Variants in TPH2 observed in about 807,000 individuals in gnomAD.
The protein encoded by TPH2 is tryptophan 5-hydroxylase 2.
A neutral mutation model predicts 59.1 loss-of-function variants in TPH2; 27 were observed. The observed-to-expected ratio is 0.46, with a 90% CI of 0.34 to 0.63. TPH2 has a LOEUF of 0.63. TPH2 is among the 30% of genes least tolerant of loss of function. The pLI, the probability that TPH2 is intolerant of heterozygous loss-of-function variation, is 0.01. For missense variants in TPH2, 523 were observed against 588.3 expected (o/e 0.89, Z 1.15); for synonymous variants, 220 against 210.5 (o/e 1.05, Z -0.39).
intron 8 of TPH2, among the ~76,000 whole-genome samples, chr12:71,996,077 C>T (rs1489571923): frequency 6.6e-6 from 1 of 152,198 alleles, no homozygotes; most frequent in Non-Finnish European, 1.5e-5. Flanking sequence ...GGTTCTGGCT[C>T]AGGGACTCTC....
chr12:72,005,973 T>C (rs1681193493), intron 8 of TPH2, among the ~76,000 whole-genome samples: 1 of 152,166 alleles, frequency 6.6e-6, no homozygotes, highest in South Asian at 2.1e-4. Context: ...AAAAGTATTC[T>C]AAAGCTCCCC....
intron 5 of TPH2, among the ~76,000 whole-genome samples, chr12:71,963,434 A>G (rs1188672909): frequency 2.2e-5 from 1 of 46,474 alleles, no homozygotes; most frequent in African/African-American, 6.2e-5. Flanking sequence ...TAGTGTGTGT[A>G]TATACATACA....
intron 5 of TPH2, 135 bp downstream of exon 5, chr12:71,949,790 T>C: frequency 1.4e-6 from 1 of 718,310 alleles, no homozygotes; most frequent in South Asian, 1.5e-5. Context: ...TCACCAACTC[T>C]GTAGGCTTTA....
rs146559172 is a variant in TPH2, at chr12:72,022,367, A to T, written c.1069-32A>T. On this transcript the variant is annotated intron_variant, in intron 8 of 10. Transcript: ENST00000333850. ...AATCCTATCAAATAACTCATTGACC[A>T]GTTCACTGAATATGTGTTCGTTTTT... The T allele has an allele frequency of 9.2e-6, 14 of 1,514,256 alleles. No individual in the cohort carries two copies. In the East Asian group the frequency reaches 3.2e-4, roughly 34 times the overall value. 93.8% of individuals were successfully genotyped at this position (1,514,256 alleles called of 1,614,324 possible). A position where few individuals can be genotyped will look rare whatever the true frequency, so the allele number is the denominator to read the frequency against.
chr12:71,990,257 G>A (rs967262052), intron 7 of TPH2, among the ~76,000 whole-genome samples: 1 of 152,118 alleles, frequency 6.6e-6, no homozygotes, highest in African/African-American at 2.4e-5. Context: ...AGATACTCAG[G>A]GGTTCGGCTG....
intron 5 of TPH2, among the ~76,000 whole-genome samples, chr12:71,968,631 G>T (rs1004062568): frequency 4.6e-5 from 7 of 152,208 alleles, no homozygotes; most frequent in African/African-American, 1.7e-4. Flanking sequence ...TCCACTTCTC[G>T]CAGGTGCGCT....
intron 8 of TPH2, among the ~76,000 whole-genome samples, chr12:72,013,736 T>C (rs1873162406): frequency 6.6e-6 from 1 of 152,238 alleles, no homozygotes; most frequent in African/African-American, 2.4e-5. Context: ...TTTAGCTACC[T>C]TTGTCATCTC....
Position 71,944,429 on chromosome 12 carries a change from A to T in TPH2, c.391A>T (p.Thr131Ser). Residue 131 changes from threonine to serine, a missense_variant, in exon 3 of 11, where the codon ACT becomes TCT. Transcript: ENST00000333850. ...CATTCAGTTGCTGAAATTTCAAACC[A>T]CTATTGTGACGCTGAATCCTCCAGA... ...ELIQLLKFQT[T>S]IVTLNPPENI... 1 of 1,614,010 alleles carries T rather than the reference A, an allele frequency of 6.2e-7. No individual in the cohort carries two copies.
intron 8 of TPH2, among the ~76,000 whole-genome samples, chr12:72,015,630 T>C (rs1036287363): frequency 1.3e-4 from 20 of 152,190 alleles, no homozygotes; most frequent in African/African-American, 4.8e-4. Flanking sequence ...TATGTGTTTT[T>C]ATCTGCACTT....
At chr12:71,985,874 G>A (rs939321712) in intron 7 of TPH2, among the ~76,000 whole-genome samples, 1 of 152,254 alleles carries the variant, frequency 6.6e-6, no homozygotes, top group African/African-American at 2.4e-5. Context: ...CAGTTGGTCT[G>A]CCCCATTTAT....
intron 5 of TPH2, among the ~76,000 whole-genome samples, chr12:71,966,850 A>G (rs1166493964): frequency 6.6e-6 from 1 of 152,234 alleles, no homozygotes; most frequent in Non-Finnish European, 1.5e-5. Flanking sequence ...TCTTCTAAAG[A>G]TAACACAAGC....
rs1297187026 is a variant in TPH2, at chr12:72,031,141, G to C, written c.1165-117G>C. The C allele has an allele frequency of 1.3e-5, 17 of 1,348,126 alleles. No homozygotes were observed. The East Asian group carries it at 3.7e-4, about 29-fold the overall frequency. 83.5% of individuals were successfully genotyped at this position (1,348,126 alleles called of 1,614,324 possible). A position where few individuals can be genotyped will look rare whatever the true frequency, so the allele number is the denominator to read the frequency against. The stretch of plus-strand genomic sequence containing the variant: ...GAGTTCCATATTTCATGACAGACTA[G>C]TAACTGAGCAGCTCTGTAGGATTAC... On this transcript the variant is annotated intron_variant, in intron 9 of 10. Transcript: ENST00000333850.
In TPH2 at chr12:71,938,932, G is replaced by A; in HGVS notation, c.-55G>A. 6.9e-7 allele frequency: 1 copy of A among 1,456,488 alleles called. No homozygotes were observed. Among genetic ancestry groups the A allele is most frequent in the Non-Finnish European group, 9.6e-7 (1 of 1,038,424 alleles). 90.2% of individuals were successfully genotyped at this position (1,456,488 alleles called of 1,614,324 possible). On this transcript the variant is annotated 5_prime_UTR_variant, in exon 1 of 11. Coordinates refer to ENST00000333850, the MANE Select transcript of TPH2 (RefSeq NM_173353.4). ...CTTCCTCTCAATCTCCGCCAGCGCT[G>A]CTACTGCCCCTCTAGTACCCCCTGC...
chr12:71,941,041 A>G (rs1871047284), intron 1 of TPH2, among the ~76,000 whole-genome samples: 4 of 152,312 alleles, frequency 2.6e-5, no homozygotes, highest in Admixed American at 2.6e-4. Flanking sequence ...CACATTGACA[A>G]TGTGGATCTA....
intron 8 of TPH2, among the ~76,000 whole-genome samples, chr12:72,002,365 G>T (rs894747210): frequency 6.6e-6 from 1 of 152,088 alleles, no homozygotes; most frequent in Non-Finnish European, 1.5e-5. Context: ...AAAGGGAAGA[G>T]AAAGAGACAG....
chr12:72,011,663 G>T (rs1249403843), intron 8 of TPH2, among the ~76,000 whole-genome samples: 2 of 152,140 alleles, frequency 1.3e-5, no homozygotes, highest in Non-Finnish European at 2.9e-5. Context: ...GACATTTTTG[G>T]ATGAGAATCC....
At chr12:71,983,630 C>T (rs529594333) in intron 7 of TPH2, among the ~76,000 whole-genome samples, 13 of 152,208 alleles carry the variant, frequency 8.5e-5, no homozygotes, top group African/African-American at 2.7e-4. Context: ...TCTTTTAGAA[C>T]AGGGTTACTT....
At chr12:72,018,011 C>T (rs1388349766) in intron 8 of TPH2, among the ~76,000 whole-genome samples, 1 of 152,174 alleles carries the variant, frequency 6.6e-6, no homozygotes, top group Non-Finnish European at 1.5e-5. Flanking sequence ...TTGCTAATAA[C>T]TTAATTTCAG....
Position 71,983,775 on chromosome 12 carries a change from C to CAG in TPH2, c.941+4700_941+4701dup, listed in dbSNP as rs1324866051. Among the ~76,000 whole-genome samples, 400 of 147,880 alleles carry CAG rather than the reference C, an allele frequency of 2.7e-3. 2 individuals carry two copies. The highest frequency in any genetic ancestry group is 9.5e-3 in the African/African-American group (386 of 40,602). On this transcript the variant is annotated intron_variant, in intron 7 of 10. Coordinates refer to ENST00000333850, the MANE Select transcript of TPH2 (RefSeq NM_173353.4). Reference sequence around the variant, plus strand: ...AGAGAGACAGACAGACAGACACACACAGAGAGAGAGAGACAGAGAGAGAGA... The same window carrying CAG: ...AGAGAGACAGACAGACAGACACACACAGAGAGAGAGAGAGACAGAGAGAGAGA...
Sources: gnomAD v4.1 joint callset for allele counts (sites outside exome capture counted in the v4.1 genomes callset) on GRCh38, gnomAD v4.1.1 for gene constraint, MANE v1.5 for transcripts, NCBI Gene and HGNC (gene_info 2026-07-23, HGNC 2026-07-21) for gene names.